Variants in GPR63 observed in about 807,000 individuals in gnomAD.
GPR63 encodes the protein G protein-coupled receptor 63, also known as probable G protein-coupled receptor 63.
Under a neutral mutation model 23.1 loss-of-function variants are expected in GPR63, and 12 were observed. The observed-to-expected ratio is 0.52, with a 90% CI of 0.33 to 0.84. The LOEUF (loss-of-function observed/expected upper bound fraction) is 0.84, where lower values mean the gene tolerates loss of function less well. Among genes scored for constraint, GPR63 ranks in the 40% least tolerant of loss-of-function variants. GPR63 has a pLI of 0.02. For synonymous variants in GPR63, 172 were observed against 191.1 expected (o/e 0.90, Z 0.82); for missense variants, 472 against 515.6 (o/e 0.92, Z 0.82).
chr6:96,802,465 T>G (rs1014233036), intron 1 of GPR63, among the ~76,000 whole-genome samples: 1 of 152,110 alleles, frequency 6.6e-6, no homozygotes, highest in African/African-American at 2.4e-5. Context: ...AAGGGATTTT[T>G]TAAACAAAGT....
chr6:96,807,237 A>G (rs527941901), intron 1 of GPR63, among the ~76,000 whole-genome samples: 2 of 152,200 alleles, frequency 1.3e-5, no homozygotes, highest in Non-Finnish European at 2.9e-5. Context: ...GTCCTTCCCT[A>G]AAGGATTCAT....
rs981134339 is a variant in GPR63, at chr6:96,795,752, A to G, written c.*2720T>C. ...AAAAAGGAGTCTTCATGACCTATCAATATGTAAGATGAATACAGATCATGC... is the reference window on the plus strand; with the variant it reads ...AAAAAGGAGTCTTCATGACCTATCAGTATGTAAGATGAATACAGATCATGC... On this transcript the variant is annotated 3_prime_UTR_variant, in exon 2 of 2. Coordinates refer to ENST00000229955, the MANE Select transcript of GPR63 (RefSeq NM_030784.4). 2 of 152,222 alleles carry G rather than the reference A, an allele frequency of 1.3e-5. No homozygotes were observed. Among genetic ancestry groups the G allele is most frequent in the African/African-American group, 4.8e-5 (2 of 41,464 alleles). The allele number at this position is 152,222 out of a possible 1,614,324, so 9.4% of individuals were successfully genotyped here.
At chr6:96,825,311 A>G (rs1774412823) in intron 1 of GPR63, among the ~76,000 whole-genome samples, 1 of 152,142 alleles carries the variant, frequency 6.6e-6, no homozygotes, top group East Asian at 1.9e-4. Context: ...TTACACTGGA[A>G]TTGAGCAGGA....
At chr6:96,829,021 G>A (rs1774512801) in intron 1 of GPR63, among the ~76,000 whole-genome samples, 1 of 152,026 alleles carries the variant, frequency 6.6e-6, no homozygotes, top group East Asian at 1.9e-4. Flanking sequence ...AAAGTAAAAG[G>A]TGAATTAACC....
At chr6:96,809,972 A>ACT (rs1773999338) in intron 1 of GPR63, among the ~76,000 whole-genome samples, 1 of 152,182 alleles carries the variant, frequency 6.6e-6, no homozygotes, top group African/African-American at 2.4e-5. Context: ...ACAGACTTCC[A>ACT]CTATGTTATG....
chr6:96,836,046 A>G (rs898408366), intron 1 of GPR63, among the ~76,000 whole-genome samples: 2 of 152,094 alleles, frequency 1.3e-5, no homozygotes, highest in African/African-American at 4.8e-5. Flanking sequence ...GCTATGCAAC[A>G]TTTTACAAAA....
chr6:96,800,697 T>C (rs1773741381), intron 1 of GPR63, among the ~76,000 whole-genome samples: 1 of 152,172 alleles, frequency 6.6e-6, no homozygotes, highest in South Asian at 2.1e-4. Flanking sequence ...CCAAGTCCAC[T>C]GACTTTCATC....
At chr6:96,807,180 T>A (rs1380799272) in intron 1 of GPR63, among the ~76,000 whole-genome samples, 1 of 152,242 alleles carries the variant, frequency 6.6e-6, no homozygotes, top group Non-Finnish European at 1.5e-5. Context: ...GCAGACAAGA[T>A]GACCTATTCT....
chr6:96,819,469 A>G lies in GPR63; in HGVS notation c.-151+17799T>C, dbSNP rs553154698. The stretch of plus-strand genomic sequence containing the variant: ...ACTCTTAAGTGGCAGCTGAACAATG[A>G]GAACACATGGAGACAGGGAGGGGAA... On this transcript the variant is annotated intron_variant, in intron 1 of 1. Transcript: ENST00000229955. Among the ~76,000 whole-genome samples the G allele has an allele frequency of 4.6e-5, 7 of 152,244 alleles. No homozygotes were observed. In the East Asian group the frequency reaches 1.4e-3, roughly 29 times the overall value.
Position 96,794,991 on chromosome 6 carries a change from TAAAAC to T in GPR63, c.*3476_*3480del, listed in dbSNP as rs567298994. On this transcript the variant is annotated 3_prime_UTR_variant, in exon 2 of 2. Transcript: ENST00000229955. ...GCAACACGAAACAAACATTGTGGGA[TAAAAC>T]AGATGATATTTAAATAGATATATTT... 3 of 152,196 alleles carry T rather than the reference TAAAAC, an allele frequency of 2.0e-5. No individual in the cohort carries two copies. The highest frequency in any genetic ancestry group is 4.4e-5 in the Non-Finnish European group (3 of 68,026). 9.4% of individuals were successfully genotyped at this position (152,196 alleles called of 1,614,324 possible).
chr6:96,808,010 G>A (rs9320313), intron 1 of GPR63, among the ~76,000 whole-genome samples: 12,189 of 152,178 alleles, frequency 0.08, 836 homozygotes, highest in African/African-American at 0.19. Flanking sequence ...ACTACGCTAT[G>A]CTGTAAAACA....
chr6:96,829,273 G>C (rs1774520534), intron 1 of GPR63, among the ~76,000 whole-genome samples: 1 of 152,102 alleles, frequency 6.6e-6, no homozygotes, highest in African/African-American at 2.4e-5. Context: ...TCAAAGAACT[G>C]GTAAGATACA....
In GPR63 at chr6:96,798,233, A is replaced by G; in HGVS notation, c.*239T>C. 1 of 435,274 alleles carries G rather than the reference A, an allele frequency of 2.3e-6. No individual in the cohort carries two copies. Among genetic ancestry groups the G allele is most frequent in the East Asian group, 3.6e-5 (1 of 27,448 alleles). 27.0% of individuals were successfully genotyped at this position (435,274 alleles called of 1,614,324 possible). A position where few individuals can be genotyped will look rare whatever the true frequency, so the allele number is the denominator to read the frequency against. On this transcript the variant is annotated 3_prime_UTR_variant, in exon 2 of 2. Transcript: ENST00000229955. ...ATCAAGGAAAAACCCCAAAACCAAA[A>G]AAAAGTCTCCTCACCCTAAATTGAG...
At chr6:96,816,369 CAGCCTTAAAAACATTCCTAGAG>C (rs1281206979) in intron 1 of GPR63, among the ~76,000 whole-genome samples, 4 of 152,174 alleles carry the variant, frequency 2.6e-5, no homozygotes, top group South Asian at 2.1e-4. Flanking sequence ...GCTATTTCAA[CAGCCTTAAAAACATTCCTAGAG>C]AGCCTTAAAA....
rs551733637 is a variant in GPR63, at chr6:96,805,668, G to A, written c.-150-5787C>T. Among the ~76,000 whole-genome samples the A allele has an allele frequency of 2.0e-5, 3 of 152,288 alleles. No individual in the cohort carries two copies. The South Asian group carries it at 6.2e-4, about 32-fold the overall frequency. ...ACAAACTCAGCAGATTCTCTCACTG[G>A]TTCTCTAATCTGTGGAGCAAGGGTA... On this transcript the variant is annotated intron_variant, in intron 1 of 1. Coordinates refer to ENST00000229955, the MANE Select transcript of GPR63 (RefSeq NM_030784.4).
rs9480995 is a variant in GPR63 at position 96,803,045 on chromosome 6, A to G, written c.-150-3164T>C. Among the ~76,000 whole-genome samples, 1,103 of 152,298 alleles carry G rather than the reference A, an allele frequency of 7.2e-3. 21 individuals carry two copies. Among genetic ancestry groups the G allele is most frequent in the African/African-American group, 0.025 (1,038 of 41,562 alleles). On this transcript the variant is annotated intron_variant, in intron 1 of 1. Transcript: ENST00000229955. ...ACATGAAAGCACGTATCTCCATTTCAGTAGCCCAACTCTGTGGCACAACTG... is the reference window on the plus strand; with the variant it reads ...ACATGAAAGCACGTATCTCCATTTCGGTAGCCCAACTCTGTGGCACAACTG...
chr6:96,813,964 G>A (rs1432281440), intron 1 of GPR63, among the ~76,000 whole-genome samples: 3 of 152,070 alleles, frequency 2.0e-5, no homozygotes, highest in Non-Finnish European at 4.4e-5. Context: ...TATGTAAAAA[G>A]TGGTATATTT....
rs1050769268 is a variant in GPR63, at chr6:96,794,417, A to C, written c.*4055T>G. On this transcript the variant is annotated 3_prime_UTR_variant, in exon 2 of 2. Coordinates refer to ENST00000229955, the MANE Select transcript of GPR63 (RefSeq NM_030784.4). ...TCAATGAAGGCAGTTTAGCAGGACT[A>C]TAGTTGTGAAAATAAATCTGAATGT... 1 of 152,186 alleles carries C rather than the reference A, an allele frequency of 6.6e-6. No homozygotes were observed. Among genetic ancestry groups the C allele is most frequent in the Non-Finnish European group, 1.5e-5 (1 of 68,016 alleles). The allele number at this position is 152,186 out of a possible 1,614,324, so 9.4% of individuals were successfully genotyped here.
rs776471234 is a variant in GPR63 at position 96,799,518 on chromosome 6, C to A, written c.214G>T (p.Ala72Ser). 1 of 1,614,140 alleles carries A rather than the reference C, an allele frequency of 6.2e-7. No homozygotes were observed. Among genetic ancestry groups the A allele is most frequent in the Non-Finnish European group, 8.5e-7 (1 of 1,180,018 alleles). ...AGAGGCAAGTTTAGGCTCTTAAATG[C>A]TGCTGGTGTTGTGGGCACAGCTGTA... Reference protein sequence around the residue: ...NSTAVPTTPAAFKSLNLPLQI... With the variant: ...NSTAVPTTPASFKSLNLPLQI... The change falls in exon 2 of 2, where the codon GCA becomes TCA. Residue 72 changes from alanine (A) to serine (S), a missense_variant. By Grantham distance (99) the Ala-to-Ser change is moderately conservative. Transcript: ENST00000229955.
Sources: gnomAD v4.1 joint callset for allele counts (sites outside exome capture counted in the v4.1 genomes callset) on GRCh38, gnomAD v4.1.1 for gene constraint, MANE v1.5 for transcripts, NCBI Gene and HGNC (gene_info 2026-07-23, HGNC 2026-07-21) for gene names.